The following CDH13 variants were observed in gnomAD, a reference collection of about 807,000 sequenced individuals.
CDH13 encodes cadherin-13.
In CDH13, 24 loss-of-function variants were observed where a neutral mutation model predicts 63.8. That is an observed-to-expected ratio of 0.38 (90% CI 0.27 to 0.53). The LOEUF is 0.53. Among genes scored for constraint, CDH13 ranks in the 20% least tolerant of loss-of-function variants. CDH13 has a pLI of 0.85. For missense variants in CDH13, 1,049 were observed against 903.1 expected (o/e 1.16, Z -2.07); for synonymous variants, 503 against 355.3 (o/e 1.42, Z -4.67).
intron 5 of CDH13, among the ~76,000 whole-genome samples, chr16:83,299,902 G>A (rs573502947): frequency 2.0e-5 from 3 of 152,290 alleles, no homozygotes; most frequent in South Asian, 2.1e-4. Context: ...CTGTAATCAC[G>A]ATGCTGACCA....
chr16:82,792,174 C>A (rs961226419), intron 1 of CDH13, among the ~76,000 whole-genome samples: 2 of 152,150 alleles, frequency 1.3e-5, no homozygotes, highest in South Asian at 2.1e-4. Flanking sequence ...CATAGACTCA[C>A]AATTCCAGAT....
intron 10 of CDH13, among the ~76,000 whole-genome samples, chr16:83,691,461 C>A (rs149510039): frequency 3.3e-5 from 5 of 152,084 alleles, no homozygotes; most frequent in Admixed American, 6.5e-5. Context: ...GGAGGAGTGG[C>A]CCTGCCTGGT....
intron 6 of CDH13, among the ~76,000 whole-genome samples, chr16:83,354,179 G>C (rs952259547): frequency 3.3e-5 from 5 of 152,182 alleles, no homozygotes; most frequent in African/African-American, 1.2e-4. Context: ...AAAAGTCCTT[G>C]AGTTGTCCTA....
At chr16:82,716,230 G>A (rs1204162251) in intron 1 of CDH13, among the ~76,000 whole-genome samples, 1 of 152,064 alleles carries the variant, frequency 6.6e-6, no homozygotes, top group Non-Finnish European at 1.5e-5. Flanking sequence ...CTGCCTTTAT[G>A]GAAACTGGAT....
At chr16:83,397,468 A>G (rs1252051495) in intron 6 of CDH13, 1 of 152,212 alleles carries the variant, frequency 6.6e-6, no homozygotes, top group Non-Finnish European at 1.5e-5. Flanking sequence ...TATAAGGTCT[A>G]GTTGTTCTTG....
chr16:82,963,653 G>C (rs894813896), intron 2 of CDH13, among the ~76,000 whole-genome samples: 5 of 152,158 alleles, frequency 3.3e-5, no homozygotes, highest in African/African-American at 1.2e-4. Flanking sequence ...CATGGGGAGA[G>C]AGCGCATATC....
intron 1 of CDH13, among the ~76,000 whole-genome samples, chr16:82,704,455 A>C (rs1419646089): frequency 6.6e-6 from 1 of 152,186 alleles, no homozygotes; most frequent in Non-Finnish European, 1.5e-5. Context: ...GGTGACTCTA[A>C]GTCTTGGGAC....
chr16:83,410,660 C>G lies in CDH13; in HGVS notation c.781+65654C>G, dbSNP rs148903052. Among the ~76,000 whole-genome samples the G allele has an allele frequency of 4.2e-3, 639 of 151,938 alleles. 9 individuals carry two copies. Among genetic ancestry groups the G allele is most frequent in the African/African-American group, 0.014 (592 of 41,424 alleles). ...TCTTTTTGGGTCATTTTAAATATAC[C>G]CCATTTATATATGCTACTCATAGAA... On this transcript the variant is annotated intron_variant, in intron 6 of 13. Transcript: ENST00000567109.
intron 5 of CDH13, among the ~76,000 whole-genome samples, chr16:83,315,527 T>C (rs1202866171): frequency 6.6e-6 from 1 of 152,124 alleles, no homozygotes; most frequent in Non-Finnish European, 1.5e-5. Context: ...TCTGGTATGA[T>C]AGTAACTGCA....
chr16:83,210,426 C>T (rs188352572), intron 4 of CDH13, among the ~76,000 whole-genome samples: 33 of 152,148 alleles, frequency 2.2e-4, no homozygotes, highest in African/African-American at 6.5e-4. Flanking sequence ...TTAGAATGAC[C>T]ATTCTGGTTG....
chr16:82,752,450 A>C (rs1380069081), intron 1 of CDH13, among the ~76,000 whole-genome samples: 1 of 152,124 alleles, frequency 6.6e-6, no homozygotes, highest in African/African-American at 2.4e-5. Context: ...TCATTTCCTA[A>C]ATGAATTAGT....
Position 83,320,589 on chromosome 16 carries a change from A to G in CDH13, c.637-24273A>G, listed in dbSNP as rs76765446. ...TTTTCTTGCTCACCTCAATTAGAGCAAACAACCACTATTTCTACAAGAACA... is the reference window on the plus strand; with the variant it reads ...TTTTCTTGCTCACCTCAATTAGAGCGAACAACCACTATTTCTACAAGAACA... On this transcript the variant is annotated intron_variant, in intron 5 of 13. Coordinates refer to ENST00000567109, the MANE Select transcript of CDH13 (RefSeq NM_001257.5). Among the ~76,000 whole-genome samples, 1,284 of 152,328 alleles carry G rather than the reference A, an allele frequency of 8.4e-3. 9 individuals are homozygous for G. The highest frequency in any genetic ancestry group is 0.011 in the Non-Finnish European group (742 of 68,026).
intron 5 of CDH13, among the ~76,000 whole-genome samples, chr16:83,255,678 G>A (rs1287371772): frequency 2.6e-5 from 4 of 152,102 alleles, no homozygotes; most frequent in Admixed American, 2.6e-4. Flanking sequence ...GATAAATACG[G>A]AATTCTAGGG....
At chr16:83,230,237 C>G (rs116323932) in intron 5 of CDH13, among the ~76,000 whole-genome samples, 1,702 of 152,280 alleles carry the variant, frequency 0.011, 40 homozygotes, top group African/African-American at 0.038. Context: ...TTCAGTGTTT[C>G]TTATCTCCTG....
chr16:82,924,949 T>A (rs2042259448), intron 2 of CDH13, among the ~76,000 whole-genome samples: 1 of 152,222 alleles, frequency 6.6e-6, no homozygotes, highest in Non-Finnish European at 1.5e-5. Context: ...AATAGATGTT[T>A]ATTTTTTCCT....
At chr16:83,369,442 C>T (rs4782780) in intron 6 of CDH13, among the ~76,000 whole-genome samples, 82,380 of 151,648 alleles carry the variant, frequency 0.54, 23,758 homozygotes, top group East Asian at 0.81. Context: ...TTTTTTTGAG[C>T]TGGGGTCTCC....
intron 5 of CDH13, among the ~76,000 whole-genome samples, chr16:83,291,429 G>A (rs1226265145): frequency 4.6e-5 from 7 of 152,050 alleles, no homozygotes; most frequent in African/African-American, 7.3e-5. Context: ...ACCCAGCTAC[G>A]AGACTGTCCC....
Position 83,562,467 on chromosome 16 carries a change from C to G in CDH13, c.961-39987C>G, listed in dbSNP as rs939673244. ...AACAACACTGGGTTACATTTGGATT[C>G]TATGTATTTTTAGATGTTTAATTTC... On this transcript the variant is annotated intron_variant, in intron 7 of 13. Coordinates refer to ENST00000567109, the MANE Select transcript of CDH13 (RefSeq NM_001257.5). Among the ~76,000 whole-genome samples, 3 of 152,266 alleles carry G rather than the reference C, an allele frequency of 2.0e-5. 1 individual carries two copies. Among genetic ancestry groups the G allele is most frequent in the African/African-American group, 4.8e-5 (2 of 41,564 alleles).
intron 2 of CDH13, among the ~76,000 whole-genome samples, chr16:82,963,066 A>T (rs1008429713): frequency 6.6e-6 from 1 of 152,102 alleles, no homozygotes; most frequent in Non-Finnish European, 1.5e-5. Flanking sequence ...CGTTTAACCA[A>T]CATGTATGGT....
Sources: allele counts gnomAD v4.1 joint callset (sites outside exome capture counted in the v4.1 genomes callset), GRCh38; gene constraint gnomAD v4.1.1; transcripts MANE v1.5; gene names NCBI Gene and HGNC (gene_info 2026-07-23, HGNC 2026-07-21).